HHIP: variants seen among roughly 807,000 people sequenced by gnomAD.
HHIP encodes hedgehog-interacting protein.
Under a neutral mutation model 74.0 loss-of-function variants are expected in HHIP, and 12 were observed. The ratio of observed to expected loss-of-function variants is 0.16; its 90% CI spans 0.10 to 0.26. The LOEUF is 0.26. HHIP is among the 10% of genes least tolerant of loss of function. HHIP has a pLI of 1.00. For synonymous variants in HHIP, 309 were observed against 311.6 expected, an observed-to-expected ratio of 0.99 and a Z score of 0.09; for missense variants, 788 against 845.0, an observed-to-expected ratio of 0.93 and a Z score of 0.84.
chr4:144,667,332 G>A (rs1282815037), intron 4 of HHIP, among the ~76,000 whole-genome samples: 2 of 152,094 alleles, frequency 1.3e-5, no homozygotes, highest in African/African-American at 4.8e-5. Context: ...CTCAGTGACA[G>A]AGTCAGACCT....
intron 11 of HHIP, among the ~76,000 whole-genome samples, chr4:144,728,513 A>C (rs988615100): frequency 1.5e-4 from 23 of 152,232 alleles, no homozygotes; most frequent in African/African-American, 5.1e-4. Context: ...TAAGGTATAT[A>C]AATTCAGAGT....
intron 2 of HHIP, among the ~76,000 whole-genome samples, chr4:144,656,737 G>A (rs529587059): frequency 3.3e-5 from 5 of 152,032 alleles, no homozygotes; most frequent in Non-Finnish European, 7.4e-5. Flanking sequence ...TTGCCTGATG[G>A]TAAATATTTC....
At chr4:144,668,327 A>G (rs901647535) in intron 4 of HHIP, among the ~76,000 whole-genome samples, 1 of 151,904 alleles carries the variant, frequency 6.6e-6, no homozygotes, top group African/African-American at 2.4e-5. Context: ...CTCAAAAAAA[A>G]AAAGCAGATC....
intron 4 of HHIP, among the ~76,000 whole-genome samples, chr4:144,693,871 A>G (rs1729744785): frequency 1.3e-5 from 2 of 151,978 alleles, no homozygotes; most frequent in Admixed American, 6.6e-5. Context: ...CAGAATTAAT[A>G]CAAAGATATA....
intron 11 of HHIP, among the ~76,000 whole-genome samples, chr4:144,724,236 A>T (rs1390066269): frequency 6.6e-6 from 1 of 152,198 alleles, no homozygotes; most frequent in Non-Finnish European, 1.5e-5. Context: ...ATGCAATGTT[A>T]TGTAGAGCTG....
At chr4:144,679,828 T>C (rs1362070885) in intron 4 of HHIP, among the ~76,000 whole-genome samples, 2 of 152,216 alleles carry the variant, frequency 1.3e-5, no homozygotes, top group African/African-American at 4.8e-5. Flanking sequence ...ATGCAGGACA[T>C]TTCTGAACAT....
rs77446842 is a variant in HHIP, at chr4:144,700,881, G to C, written c.832-5650G>C. Among the ~76,000 whole-genome samples the C allele has an allele frequency of 4.3e-3, 649 of 152,246 alleles. 7 individuals are homozygous for C. The highest frequency in any genetic ancestry group is 0.015 in the African/African-American group (609 of 41,538). On this transcript the variant is annotated intron_variant, in intron 4 of 12. Coordinates refer to ENST00000296575, the MANE Select transcript of HHIP (RefSeq NM_022475.3). ...AGCAATAGAAAATGAATACAATCTG[G>C]TACTGTGTTTGAACTAACAGTTCTC...
At chr4:144,691,087 T>G (rs1729648132) in intron 4 of HHIP, among the ~76,000 whole-genome samples, 1 of 152,208 alleles carries the variant, frequency 6.6e-6, no homozygotes. Context: ...TTTCATGGTA[T>G]ATTGAGGGGC....
chr4:144,717,714 G>C (rs1385454010), intron 10 of HHIP, among the ~76,000 whole-genome samples: 1 of 152,064 alleles, frequency 6.6e-6, no homozygotes, highest in Non-Finnish European at 1.5e-5. Context: ...AGAGTTTAGA[G>C]AGTTGAGACT....
chr4:144,693,392 T>C (rs1237697335), intron 4 of HHIP, among the ~76,000 whole-genome samples: 1 of 152,106 alleles, frequency 6.6e-6, no homozygotes, highest in East Asian at 1.9e-4. Context: ...TGATCCAAAA[T>C]TGTATTAATC....
intron 4 of HHIP, among the ~76,000 whole-genome samples, chr4:144,684,509 G>A (rs1049172320): frequency 3.3e-5 from 5 of 151,020 alleles, no homozygotes; most frequent in African/African-American, 1.2e-4. Flanking sequence ...TCAATCTCCC[G>A]ACCTCGTGAT....
chr4:144,669,499 T>C (rs1371678301), intron 4 of HHIP, among the ~76,000 whole-genome samples: 1 of 152,178 alleles, frequency 6.6e-6, no homozygotes, highest in Non-Finnish European at 1.5e-5. Flanking sequence ...ATCTATTCAC[T>C]CACTTAAAAT....
At chr4:144,664,577 A>C (rs1190540758) in intron 4 of HHIP, among the ~76,000 whole-genome samples, 1 of 152,196 alleles carries the variant, frequency 6.6e-6, no homozygotes, top group African/African-American at 2.4e-5. Context: ...CAGATTGAGA[A>C]GCAATTTATT....
intron 4 of HHIP, among the ~76,000 whole-genome samples, chr4:144,676,798 T>C (rs971859725): frequency 6.6e-6 from 1 of 152,164 alleles, no homozygotes; most frequent in East Asian, 1.9e-4. Context: ...AGAAAAACTA[T>C]AAATGACCTG....
At chr4:144,695,730 A>G (rs1306242907) in intron 4 of HHIP, among the ~76,000 whole-genome samples, 5 of 151,952 alleles carry the variant, frequency 3.3e-5, no homozygotes, top group African/African-American at 4.8e-5. Context: ...TTTCAATTTT[A>G]GAACAAAAAT....
intron 4 of HHIP, among the ~76,000 whole-genome samples, chr4:144,696,556 C>CT (rs1434432549): frequency 6.6e-6 from 1 of 151,786 alleles, no homozygotes; most frequent in Non-Finnish European, 1.5e-5. Flanking sequence ...ACAGTCTCTT[C>CT]TTTTTTTGTT....
intron 1 of HHIP, among the ~76,000 whole-genome samples, chr4:144,652,240 G>A (rs1454187997): frequency 1.3e-5 from 2 of 152,024 alleles, no homozygotes; most frequent in African/African-American, 4.8e-5. Context: ...ATTGGACAAA[G>A]GTTGGAATTT....
intron 6 of HHIP, 24 bp from the exon 7 acceptor site, chr4:144,708,144 A>T: frequency 6.2e-7 from 1 of 1,612,746 alleles, no homozygotes; most frequent in African/African-American, 1.3e-5. Flanking sequence ...TGTAAAACAC[A>T]TACTCTGTCC....
At chr4:144,696,831 T>C (rs1729833198) in intron 4 of HHIP, among the ~76,000 whole-genome samples, 1 of 152,020 alleles carries the variant, frequency 6.6e-6, no homozygotes, top group East Asian at 1.9e-4. Flanking sequence ...ACTCAGTACA[T>C]CCTATTTGTA....
Sources: gnomAD v4.1 joint callset for allele counts (sites outside exome capture counted in the v4.1 genomes callset) on GRCh38, gnomAD v4.1.1 for gene constraint, MANE v1.5 for transcripts, NCBI Gene and HGNC (gene_info 2026-07-23, HGNC 2026-07-21) for gene names.